ADAMTS18: variants seen among roughly 807,000 people sequenced by gnomAD.
ADAMTS18 encodes the protein A disintegrin and metalloproteinase with thrombospondin motifs 18.
Under a neutral mutation model 165.9 loss-of-function variants are expected in ADAMTS18, and 157 were observed. The ratio of observed to expected loss-of-function variants is 0.95; its 90% CI spans 0.83 to 1.08. The LOEUF (loss-of-function observed/expected upper bound fraction) is 1.08. ADAMTS18 is among the 50% of genes least tolerant of loss of function. The pLI is 0.00. For missense variants in ADAMTS18, 2,040 were observed against 1,534.0 expected (o/e 1.33, Z -5.51); for synonymous variants, 782 against 578.2 (o/e 1.35, Z -5.06).
At chr16:77,359,256 G>T in intron 8 of ADAMTS18, 62 bp downstream of exon 8, 2 of 1,392,204 alleles carry the variant, frequency 1.4e-6, no homozygotes, top group Non-Finnish European at 2.0e-6. Flanking sequence ...AACGGTTAGA[G>T]GAACACCAAT....
Position 77,335,835 on chromosome 16 carries a change from C to G in ADAMTS18, c.1780G>C (p.Ala594Pro), listed in dbSNP as rs140240513. The G allele has an allele frequency of 1.1e-5, 18 of 1,614,176 alleles. 1 individual carries two copies. In the South Asian group the frequency reaches 1.8e-4, roughly 16 times the overall value. The change falls in exon 12 of 23, where the codon GCC becomes CCC. Residue 594 changes from alanine (A) to proline (P), a missense_variant. Ala to Pro is a conservative substitution (Grantham distance 27, BLOSUM62 -1). Transcript: ENST00000282849. ...GAACATTCTGACCACTTCGACCAGG[C>G]GGACCACTGGCCGTGGATGGGCCGG... The part of the protein sequence containing the change: ...GPRPIHGQWS[A>P]WSKWSECSRT...
At chr16:77,419,267 G>A (rs2057570238) in intron 3 of ADAMTS18, among the ~76,000 whole-genome samples, 1 of 152,200 alleles carries the variant, frequency 6.6e-6, no homozygotes, top group East Asian at 1.9e-4. Context: ...TTCCTTTTTG[G>A]AGGCTCCAAG....
chr16:77,297,340 G>T lies in ADAMTS18; in HGVS notation c.2750C>A (p.Thr917Asn), dbSNP rs764814436. The part of the protein sequence containing the change: ...QVNSSFCSAK[T>N]KPVTEPKICN... ...GATTTTGGGCTCAGTTACTGGCTTGGTTTTTGCACTGCAGAATGAGGAATT... is the reference window on the plus strand; with the variant it reads ...GATTTTGGGCTCAGTTACTGGCTTGTTTTTTGCACTGCAGAATGAGGAATT... Residue 917 changes from threonine to asparagine, a missense_variant, in exon 18 of 23, where the codon ACC (threonine) becomes AAC (asparagine). Transcript: ENST00000282849. The T allele has an allele frequency of 6.2e-7, 1 of 1,614,110 alleles. No individual in the cohort carries two copies. The highest frequency in any genetic ancestry group is 8.5e-7 in the Non-Finnish European group (1 of 1,179,988).
chr16:77,322,934 G>A (rs1413699640), intron 13 of ADAMTS18, among the ~76,000 whole-genome samples: 1 of 152,132 alleles, frequency 6.6e-6, no homozygotes, highest in Non-Finnish European at 1.5e-5. Context: ...TACTCAGTCT[G>A]TTAAGAGAAA....
In ADAMTS18 at chr16:77,367,530, C is replaced by T. The variant is rs1182478063; in HGVS notation, c.689G>A (p.Ser230Asn). 2 of 1,614,232 alleles carry T rather than the reference C, an allele frequency of 1.2e-6. No individual in the cohort carries two copies. Among genetic ancestry groups the T allele is most frequent in the South Asian group, 2.2e-5 (2 of 91,088 alleles). ...ACTCTGAGATGCATGGGGAATGTGA[C>T]TTGGGGAGTAACCAGGATAATTCCG... ...SGRNYPGYSPSHIPHASQSRE... is the reference protein window; with the variant it reads ...SGRNYPGYSPNHIPHASQSRE... Residue 230 changes from serine to asparagine, a missense_variant, in exon 4 of 23, where the codon AGT becomes AAT. Ser to Asn is a conservative substitution (Grantham distance 46). Transcript: ENST00000282849.
intron 16 of ADAMTS18, among the ~76,000 whole-genome samples, chr16:77,314,639 G>GTC: frequency 8.4e-6 from 1 of 118,954 alleles, no homozygotes; most frequent in Admixed American, 8.2e-5. Flanking sequence ...GTGTGTATGT[G>GTC]TGTGTGTGTG....
At chr16:77,313,260 C>T (rs1436034318) in intron 16 of ADAMTS18, among the ~76,000 whole-genome samples, 1 of 151,704 alleles carries the variant, frequency 6.6e-6, no homozygotes. Flanking sequence ...TACTTGGACA[C>T]AGGAAGGGGA....
chr16:77,360,029 C>T (rs1317321211), intron 7 of ADAMTS18, among the ~76,000 whole-genome samples: 1 of 152,198 alleles, frequency 6.6e-6, no homozygotes, highest in African/African-American at 2.4e-5. Flanking sequence ...GCCCTTAAGT[C>T]TATCTTCAAA....
intron 3 of ADAMTS18, among the ~76,000 whole-genome samples, chr16:77,404,430 T>C (rs1288596586): frequency 6.6e-6 from 1 of 152,192 alleles, no homozygotes; most frequent in Non-Finnish European, 1.5e-5. Context: ...CTAGGATTTC[T>C]CTATAAGTTC....
At chr16:77,411,685 T>TTC (rs1462326095) in intron 3 of ADAMTS18, among the ~76,000 whole-genome samples, 2 of 134,542 alleles carry the variant, frequency 1.5e-5, no homozygotes, top group Non-Finnish European at 3.2e-5. Context: ...GAATTTTTTT[T>TTC]TTTTTTTTTT....
chr16:77,335,450 T>C (rs2056293116), intron 12 of ADAMTS18, among the ~76,000 whole-genome samples: 1 of 151,750 alleles, frequency 6.6e-6, no homozygotes, highest in Non-Finnish European at 1.5e-5. Flanking sequence ...TAGTTAACAA[T>C]TCATTGTATA....
chr16:77,333,773 C>T (rs904946632), intron 12 of ADAMTS18, among the ~76,000 whole-genome samples: 1 of 148,850 alleles, frequency 6.7e-6, no homozygotes, highest in Admixed American at 6.7e-5. Flanking sequence ...TTTCTTTATC[C>T]ATTCATCCTA....
intron 10 of ADAMTS18, among the ~76,000 whole-genome samples, chr16:77,352,292 C>G (rs1303070676): frequency 8.1e-6 from 1 of 123,202 alleles, no homozygotes; most frequent in African/African-American, 3.1e-5. Flanking sequence ...AGAGATAACA[C>G]AACTAAAATA....
At chr16:77,312,864 A>G (rs1167089886) in intron 16 of ADAMTS18, among the ~76,000 whole-genome samples, 1 of 152,160 alleles carries the variant, frequency 6.6e-6, no homozygotes, top group Non-Finnish European at 1.5e-5. Context: ...AACTAGTTCA[A>G]CCATTGTGGA....
chr16:77,348,504 G>C (rs2056509750), intron 10 of ADAMTS18, among the ~76,000 whole-genome samples: 1 of 152,208 alleles, frequency 6.6e-6, no homozygotes, highest in Non-Finnish European at 1.5e-5. Context: ...AGACAGTACT[G>C]TGGCATGCCT....
In ADAMTS18 at chr16:77,357,961, T is replaced by C. The variant is rs114358650; in HGVS notation, c.1322+1357A>G. Among the ~76,000 whole-genome samples, 439 of 152,308 alleles carry C rather than the reference T, an allele frequency of 2.9e-3. 6 individuals carry two copies. Among genetic ancestry groups the C allele is most frequent in the African/African-American group, 9.4e-3 (389 of 41,568 alleles). Reference sequence around the variant, plus strand: ...GATAATTTTAACACATATGCAAAGATAATGAAATTTTTCAATGACCAGTAT... The same window carrying C: ...GATAATTTTAACACATATGCAAAGACAATGAAATTTTTCAATGACCAGTAT... On this transcript the variant is annotated intron_variant, in intron 8 of 22. Transcript: ENST00000282849.
intron 3 of ADAMTS18, among the ~76,000 whole-genome samples, chr16:77,370,633 G>A (rs188681322): frequency 3.3e-5 from 5 of 151,954 alleles, no homozygotes; most frequent in South Asian, 2.1e-4. Context: ...ATCTGTAGTC[G>A]CAACTACTCA....
Position 77,294,969 on chromosome 16 carries a change from T to C in ADAMTS18, c.2960A>G (p.Asn987Ser). ...VSTPTQVQAC[N>S]SHACPPQWSL... Reference sequence around the variant, plus strand: ...CCATTGTGGAGGGCAGGCATGGCTGTTGCAGGCTTGGACCTGAGTGGGTGT... The same window carrying C: ...CCATTGTGGAGGGCAGGCATGGCTGCTGCAGGCTTGGACCTGAGTGGGTGT... Residue 987 changes from asparagine to serine, a missense_variant, in exon 19 of 23, where the codon AAC becomes AGC. Coordinates refer to ENST00000282849, the MANE Select transcript of ADAMTS18 (RefSeq NM_199355.4). 6.2e-7 allele frequency: 1 copy of C among 1,613,876 alleles called. No individual in the cohort carries two copies. The highest frequency in any genetic ancestry group is 1.1e-5 in the South Asian group (1 of 91,078).
At chr16:77,314,875 T>G (rs537372831) in intron 16 of ADAMTS18, among the ~76,000 whole-genome samples, 18 of 144,590 alleles carry the variant, frequency 1.2e-4, no homozygotes, top group Middle Eastern at 3.6e-3. Flanking sequence ...GAACTTATCT[T>G]CAGTTATCCT....
Sources: gnomAD v4.1 joint callset for allele counts (sites outside exome capture counted in the v4.1 genomes callset) on GRCh38, gnomAD v4.1.1 for gene constraint, MANE v1.5 for transcripts, NCBI Gene and HGNC (gene_info 2026-07-23, HGNC 2026-07-21) for gene names.